The following ATRX variants were observed in gnomAD, a reference collection of about 807,000 sequenced individuals.
ATRX encodes ATRX chromatin remodeler, also known as chromatin remodeler ATRX.
In ATRX, 12 loss-of-function variants were observed where a neutral mutation model predicts 172.6. That is an observed-to-expected ratio of 0.07 (90% confidence interval 0.04 to 0.11). ATRX has a LOEUF of 0.11. ATRX is among the 10% of genes least tolerant of loss of function. The pLI, the probability that ATRX is intolerant of heterozygous loss-of-function variation, is 1.00. For synonymous variants in ATRX, 674 were observed against 594.7 expected, an observed-to-expected ratio of 1.13 and a Z score of -1.94; for missense variants, 1,368 against 1,767.4, an observed-to-expected ratio of 0.77 and a Z score of 4.05.
intron 28 of ATRX, among the ~76,000 whole-genome samples, chrX:77,566,153 C>T (rs1190277806): frequency 9.0e-6 from 1 of 111,551 alleles, no homozygotes; most frequent in Non-Finnish European, 1.9e-5. Flanking sequence ...CATAAACCTG[C>T]AGCTTAAGTA....
rs1188156919 is a variant in ATRX, at chrX:77,521,170, C to T, written c.7071+233G>A. ...AATTAAAATGTTTATATAAACAATGCATACATTTCCATGTTTGATTTCTCA... is the reference window on the plus strand; with the variant it reads ...AATTAAAATGTTTATATAAACAATGTATACATTTCCATGTTTGATTTCTCA... On this transcript the variant is annotated intron_variant, in intron 33 of 34. Transcript: ENST00000373344. 7 of 430,334 alleles carry T rather than the reference C, an allele frequency of 1.6e-5. No individual in the cohort carries two copies. In the African/African-American group the frequency reaches 1.7e-4, roughly 11 times the overall value. The allele number at this position is 430,334 out of a possible 1,213,427, so 35.5% of individuals were successfully genotyped here.
rs782625078 is a variant in ATRX at position 77,703,316 on chromosome X, A to C, written c.134-4687T>G. Among the ~76,000 whole-genome samples, 6 of 112,976 alleles carry C rather than the reference A, an allele frequency of 5.3e-5. No homozygotes were observed. The South Asian group carries it at 2.2e-3, about 40-fold the overall frequency. On this transcript the variant is annotated intron_variant, in intron 2 of 34. Coordinates refer to ENST00000373344, the MANE Select transcript of ATRX (RefSeq NM_000489.6). ...CTGTGTCCTATGATAGCCAAGGAAG[A>C]CTGGATGAAGCAGCAAGGGGTATGT...
chrX:77,719,639 C>T (rs562963682), intron 1 of ATRX, among the ~76,000 whole-genome samples: 3 of 111,234 alleles, frequency 2.7e-5, no homozygotes, highest in African/African-American at 9.8e-5. Context: ...GCTAACTATC[C>T]TAAATATATA....
intron 1 of ATRX, among the ~76,000 whole-genome samples, chrX:77,764,044 G>A (rs1226976647): frequency 9.0e-6 from 1 of 110,697 alleles, no homozygotes; most frequent in African/African-American, 3.3e-5. Context: ...TGCCCAGGAG[G>A]TCTAGGCTGC....
intron 1 of ATRX, among the ~76,000 whole-genome samples, chrX:77,718,659 C>T (rs2073580778): frequency 2.7e-5 from 3 of 111,601 alleles, no homozygotes; most frequent in African/African-American, 9.8e-5. Flanking sequence ...CAGGCGTGAG[C>T]CACTGTGCCC....
At chrX:77,759,346 G>A (rs1259774447) in intron 1 of ATRX, among the ~76,000 whole-genome samples, 1 of 109,250 alleles carries the variant, frequency 9.2e-6, no homozygotes, top group Non-Finnish European at 1.9e-5. Context: ...GTCTTTAGTA[G>A]CACCAAATTC....
At chrX:77,649,419 A>T (rs1557115635) in intron 15 of ATRX, among the ~76,000 whole-genome samples, 1 of 112,416 alleles carries the variant, frequency 8.9e-6, no homozygotes, top group African/African-American at 3.2e-5. Context: ...GTTTTTCTTT[A>T]CAGACAACAC....
intron 1 of ATRX, among the ~76,000 whole-genome samples, chrX:77,776,421 C>G (rs2076352391): frequency 8.9e-6 from 1 of 111,820 alleles, no homozygotes; most frequent in African/African-American, 3.2e-5. Context: ...GTACTTTTTA[C>G]AGGATGATAA....
At chrX:77,561,599 AC>A (rs1557062015) in intron 28 of ATRX, 2 of 111,410 alleles carry the variant, frequency 1.8e-5, no homozygotes. Context: ...GCACTGTTAA[AC>A]TGAACAAATT....
At chrX:77,669,844 A>G (rs982183885) in intron 10 of ATRX, among the ~76,000 whole-genome samples, 8 of 109,944 alleles carry the variant, frequency 7.3e-5, no homozygotes, top group Non-Finnish European at 9.5e-5. Flanking sequence ...AACTACAGGC[A>G]TGTACCACCA....
At chrX:77,629,377 T>C (rs2148319379) in intron 19 of ATRX, among the ~76,000 whole-genome samples, 1 of 112,347 alleles carries the variant, frequency 8.9e-6, no homozygotes, top group East Asian at 2.8e-4. Flanking sequence ...ATCCTGACAC[T>C]TTAGACTTAG....
intron 16 of ATRX, 34 bp from the exon 17 acceptor site, chrX:77,634,737 A>C (rs2148351494): frequency 8.8e-7 from 1 of 1,135,983 alleles, no homozygotes; most frequent in Non-Finnish European, 1.2e-6. Context: ...TTAAATTTAA[A>C]GGTCCAAGTT....
intron 15 of ATRX, among the ~76,000 whole-genome samples, chrX:77,640,928 TGTGAGCTAAACAGCTCCCA>T (rs2068623584): frequency 9.0e-6 from 1 of 111,381 alleles, no homozygotes; most frequent in Non-Finnish European, 1.9e-5. Context: ...ACCAAGAAGC[TGTGAGCTAAACAGCTCCCA>T]GTGATCACAT....
chrX:77,692,647 T>C (rs2071954695), intron 6 of ATRX, among the ~76,000 whole-genome samples: 1 of 111,812 alleles, frequency 8.9e-6, no homozygotes, highest in African/African-American at 3.2e-5. Context: ...CACTTCTACT[T>C]AGAAATTTAG....
At chrX:77,676,369 C>T (rs1603200931) in intron 9 of ATRX, 71 bp from the exon 10 acceptor site, 2 of 1,037,483 alleles carry the variant, frequency 1.9e-6, no homozygotes, top group East Asian at 3.3e-5. Flanking sequence ...TAAAATAAAA[C>T]TGAAAGCCAA....
intron 27 of ATRX, among the ~76,000 whole-genome samples, chrX:77,581,979 G>A (rs1420528272): frequency 8.0e-5 from 9 of 111,991 alleles, no homozygotes; most frequent in African/African-American, 2.9e-4. Context: ...TTTAAAAAAT[G>A]ATAATGGAAA....
chrX:77,515,763 T>C (rs1602337834), intron 34 of ATRX, among the ~76,000 whole-genome samples: 1 of 112,390 alleles, frequency 8.9e-6, no homozygotes, highest in Non-Finnish European at 1.9e-5. Context: ...GACTCAACTA[T>C]TAGAAATCTC....
In ATRX at chrX:77,506,649, CATA is replaced by C. The variant is rs1557033204; in HGVS notation, c.*1699_*1701del. 5.8e-6 allele frequency: 1 copy of C among 173,326 alleles called. No homozygotes were observed. Among genetic ancestry groups the C allele is most frequent in the African/African-American group, 3.0e-5 (1 of 33,715 alleles). The allele number at this position is 173,326 out of a possible 1,213,427, so 14.3% of individuals were successfully genotyped here. A position where few individuals can be genotyped will look rare whatever the true frequency, so the allele number is the denominator to read the frequency against. The stretch of plus-strand genomic sequence containing the variant: ...TAAATAAATCTGATTACATGGCTAG[CATA>C]ATATCTAAATATACAGGATTTATTA... On this transcript the variant is annotated 3_prime_UTR_variant, in exon 35 of 35. Coordinates refer to ENST00000373344, the MANE Select transcript of ATRX (RefSeq NM_000489.6).
intron 30 of ATRX, among the ~76,000 whole-genome samples, chrX:77,546,188 C>T (rs991859044): frequency 5.4e-5 from 6 of 110,987 alleles, no homozygotes; most frequent in Non-Finnish European, 1.1e-4. Context: ...GTTCAAGCCC[C>T]GGTGCCACCA....
Sources: allele counts gnomAD v4.1 joint callset (sites outside exome capture counted in the v4.1 genomes callset), GRCh38; gene constraint gnomAD v4.1.1; transcripts MANE v1.5; gene names NCBI Gene and HGNC (gene_info 2026-07-23, HGNC 2026-07-21).